The following SCHIP1 variants were observed in gnomAD, a reference collection of about 807,000 sequenced individuals.
The protein encoded by SCHIP1 is schwannomin-interacting protein 1.
Under a neutral mutation model 29.7 loss-of-function variants are expected in SCHIP1, and 8 were observed. That is an observed-to-expected ratio of 0.27 (90% CI 0.16 to 0.49). SCHIP1 has a LOEUF of 0.49. SCHIP1 is among the 20% of genes least tolerant of loss of function. SCHIP1 has a pLI of 0.99. For missense variants in SCHIP1, 193 were observed against 294.6 expected (o/e 0.66, Z 2.52); for synonymous variants, 76 against 94.9 (o/e 0.80, Z 1.16).
At chr3:159,475,538 T>C in the SCHIP1 span, among the ~76,000 whole-genome samples, 1 of 152,174 alleles carries the variant, frequency 6.6e-6, no homozygotes, top group Admixed American at 6.6e-5. Flanking sequence ...TACTGAATAC[T>C]ACTGAACTGT....
chr3:159,442,487 TG>T, the SCHIP1 span, among the ~76,000 whole-genome samples: 1 of 152,160 alleles, frequency 6.6e-6, no homozygotes, highest in African/African-American at 2.4e-5. Flanking sequence ...GGAATAAGGC[TG>T]GGAAAGGCAT....
chr3:159,434,818 T>A, the SCHIP1 span, among the ~76,000 whole-genome samples: 2 of 152,156 alleles, frequency 1.3e-5, no homozygotes, highest in African/African-American at 2.4e-5. Context: ...CAACTCTGGC[T>A]ACTCTTACTC....
chr3:159,522,451 G>A, the SCHIP1 span, among the ~76,000 whole-genome samples: 1 of 152,126 alleles, frequency 6.6e-6, no homozygotes, highest in Non-Finnish European at 1.5e-5. Context: ...TTATTTAAAT[G>A]ACTTGCAAGA....
At chr3:159,300,339 G>T in the SCHIP1 span, among the ~76,000 whole-genome samples, 1 of 151,186 alleles carries the variant, frequency 6.6e-6, no homozygotes, top group Non-Finnish European at 1.5e-5. Flanking sequence ...TCACTATGTT[G>T]CCCAGACTCA....
At chr3:159,790,454 G>A in the SCHIP1 span, among the ~76,000 whole-genome samples, 1 of 152,220 alleles carries the variant, frequency 6.6e-6, no homozygotes, top group African/African-American at 2.4e-5. Context: ...GCTTTGAAAG[G>A]CGGGCGGATC....
At chr3:159,588,824 A>ATG in the SCHIP1 span, among the ~76,000 whole-genome samples, 12 of 151,736 alleles carry the variant, frequency 7.9e-5, no homozygotes, top group African/African-American at 2.7e-4. Flanking sequence ...ATTGGTCTAT[A>ATG]TCTGTTTTGG....
exon 4 of SCHIP1, chr3:159,887,798 A>G: frequency 6.2e-7 from 1 of 1,614,082 alleles, no homozygotes; most frequent in Non-Finnish European, 8.5e-7. Flanking sequence ...AAGGCAAAAG[A>G]AATTGCAAGC....
chr3:159,304,537 A>G, the SCHIP1 span, among the ~76,000 whole-genome samples: 2 of 152,074 alleles, frequency 1.3e-5, no homozygotes, highest in African/African-American at 4.8e-5. Context: ...TGGGTCTTAT[A>G]TTTTGTCTTT....
At chr3:159,313,772 T>C in the SCHIP1 span, among the ~76,000 whole-genome samples, 8 of 152,298 alleles carry the variant, frequency 5.3e-5, no homozygotes, top group East Asian at 1.5e-3. Flanking sequence ...TTAAATTCTG[T>C]TGGCATGTCT....
At chr3:159,621,650 G>T in the SCHIP1 span, among the ~76,000 whole-genome samples, 129 of 150,232 alleles carry the variant, frequency 8.6e-4, 1 homozygote, top group African/African-American at 2.9e-3. Flanking sequence ...TGGTTTTTTT[G>T]TTGTTGTTGT....
At chr3:159,792,824 G>C in the SCHIP1 span, among the ~76,000 whole-genome samples, 1 of 152,178 alleles carries the variant, frequency 6.6e-6, no homozygotes, top group South Asian at 2.1e-4. Flanking sequence ...TTTATTTGGG[G>C]TTGGGTGTAG....
the SCHIP1 span, among the ~76,000 whole-genome samples, chr3:159,440,609 T>A: frequency 6.6e-6 from 1 of 152,184 alleles, no homozygotes; most frequent in Non-Finnish European, 1.5e-5. Context: ...TTGCCCCAAT[T>A]TTAATTCATT....
chr3:159,494,883 C>G, the SCHIP1 span, among the ~76,000 whole-genome samples: 529 of 152,258 alleles, frequency 3.5e-3, 8 homozygotes, highest in African/African-American at 0.012. Context: ...CCGAATCCAG[C>G]AACACATCAA....
the SCHIP1 span, among the ~76,000 whole-genome samples, chr3:159,640,392 G>A: frequency 1.1e-4 from 17 of 152,174 alleles, no homozygotes; most frequent in African/African-American, 3.1e-4. Flanking sequence ...GAGTGTGGGC[G>A]GTCAAATCTA....
chr3:159,336,040 G>C, the SCHIP1 span, among the ~76,000 whole-genome samples: 2 of 152,152 alleles, frequency 1.3e-5, no homozygotes, highest in Non-Finnish European at 2.9e-5. Context: ...ACCATTCTAA[G>C]TGGTGTGAGA....
chr3:159,828,385 A>ATATATATATATATATG, the SCHIP1 span, among the ~76,000 whole-genome samples: 1 of 71,658 alleles, frequency 1.4e-5, no homozygotes, highest in African/African-American at 4.6e-5. Flanking sequence ...ACATATATAT[A>ATATATATATATATATG]TACATATATA....
the SCHIP1 span, among the ~76,000 whole-genome samples, chr3:159,751,549 C>CTTT: frequency 0.2 from 28,391 of 145,508 alleles, 2,865 homozygotes; most frequent in Middle Eastern, 0.32. Flanking sequence ...ACAATTATTT[C>CTTT]TTTTTTTTTT....
the SCHIP1 span, among the ~76,000 whole-genome samples, chr3:159,550,565 T>A: frequency 6.6e-6 from 1 of 152,196 alleles, no homozygotes; most frequent in Non-Finnish European, 1.5e-5. Context: ...GGCATTAATT[T>A]CATTTCCATA....
the SCHIP1 span, among the ~76,000 whole-genome samples, chr3:159,428,130 C>CATG: frequency 5.3e-5 from 8 of 151,410 alleles, no homozygotes; most frequent in African/African-American, 7.3e-5. Flanking sequence ...AGGACATAGG[C>CATG]ATGGGCAAGG....
Sources: allele counts gnomAD v4.1 joint callset (sites outside exome capture counted in the v4.1 genomes callset), GRCh38; gene constraint gnomAD v4.1.1; transcripts MANE v1.5; gene names NCBI Gene and HGNC (gene_info 2026-07-23, HGNC 2026-07-21).